CEP78: variants seen among roughly 807,000 people sequenced by gnomAD.
CEP78 encodes the protein centrosomal protein 78.
CEP78 carries 76 observed loss-of-function variants against 81.2 expected under a neutral mutation model. The observed-to-expected ratio is 0.94, with a 90% CI of 0.78 to 1.13. The LOEUF (loss-of-function observed/expected upper bound fraction) is 1.13. Among genes scored for constraint, CEP78 ranks in the 50% most tolerant of loss-of-function variants. The pLI is 0.00. For missense variants in CEP78, 918 were observed against 846.8 expected, an observed-to-expected ratio of 1.08 and a Z score of -1.04; for synonymous variants, 293 against 301.4, an observed-to-expected ratio of 0.97 and a Z score of 0.29.
At chr9:78,252,299 G>A (rs1826803134) in intron 9 of CEP78, among the ~76,000 whole-genome samples, 1 of 152,212 alleles carries the variant, frequency 6.6e-6, no homozygotes, top group Non-Finnish European at 1.5e-5. Context: ...AATTGTGCAG[G>A]TGAGAAAAGG....
intron 3 of CEP78, 69 bp downstream of exon 3, chr9:78,240,433 AT>A: frequency 7.8e-7 from 1 of 1,287,834 alleles, no homozygotes; most frequent in Non-Finnish European, 1.1e-6. Context: ...TGCCATGTTA[AT>A]TCCTGTCTGT....
Position 78,276,191 on chromosome 9 carries a change from AT to A in CEP78, c.*5343del. On this transcript the variant is annotated 3_prime_UTR_variant, in exon 17 of 17. Transcript: ENST00000643273. ...AAAAGATATATCATTTTCAAGGAAG[AT>A]TTGTACCAAAACATGCAAGATTGAG... 6.6e-6 allele frequency: 1 copy of A among 152,342 alleles called. No homozygotes were observed. Among genetic ancestry groups the A allele is most frequent in the African/African-American group, 2.4e-5 (1 of 41,588 alleles). The allele number at this position is 152,342 out of a possible 1,614,324, so 9.4% of individuals were successfully genotyped here. A position where few individuals can be genotyped will look rare whatever the true frequency, so the allele number is the denominator to read the frequency against.
rs147494584 is a variant in CEP78 at position 78,245,246 on chromosome 9, G to A, written c.779-1423G>A. Among the ~76,000 whole-genome samples, 526 of 152,056 alleles carry A rather than the reference G, an allele frequency of 3.5e-3. 4 individuals carry two copies. Among genetic ancestry groups the A allele is most frequent in the African/African-American group, 0.011 (468 of 41,506 alleles). ...AGCATATAACAGAATTATATTCTGG[G>A]TGGCTTAAAGAGAAGACATTCATTT... is the stretch of plus-strand genomic sequence containing the variant. On this transcript the variant is annotated intron_variant, in intron 5 of 16. Transcript: ENST00000643273.
Position 78,240,401 on chromosome 9 carries a change from G to A in CEP78, c.499+37G>A, listed in dbSNP as rs745939299. On this transcript the variant is annotated intron_variant, in intron 3 of 16. Transcript: ENST00000643273. Reference sequence around the variant, plus strand: ...TCTCATTTAACTCTTGTCCTATCAGGCTGGTTTCATGTTTCCCTACATGCC... The same window carrying A: ...TCTCATTTAACTCTTGTCCTATCAGACTGGTTTCATGTTTCCCTACATGCC... 5 of 1,510,752 alleles carry A rather than the reference G, an allele frequency of 3.3e-6. No individual in the cohort carries two copies. In the South Asian group the frequency reaches 3.6e-5, roughly 11 times the overall value. 93.6% of individuals were successfully genotyped at this position (1,510,752 alleles called of 1,614,324 possible). A position where few individuals can be genotyped will look rare whatever the true frequency, so the allele number is the denominator to read the frequency against.
chr9:78,249,646 TTC>T (rs1006715332), intron 8 of CEP78: 4 of 152,098 alleles, frequency 2.6e-5, no homozygotes, highest in African/African-American at 7.2e-5. Flanking sequence ...TACTGATATT[TTC>T]TTTTTTTTTT....
At chr9:78,243,726 T>C in intron 5 of CEP78, 90 bp downstream of exon 5, 3 of 1,046,768 alleles carry the variant, frequency 2.9e-6, no homozygotes, top group Non-Finnish European at 3.9e-6. Flanking sequence ...TGTCCGAAGG[T>C]TTTTTAAAAA....
chr9:78,270,860 G>A lies in CEP78; in HGVS notation c.*9G>A, dbSNP rs1217767220. On this transcript the variant is annotated 3_prime_UTR_variant, in exon 17 of 17. Transcript: ENST00000643273. ...TTCTAGAATCCCATTGAAATGACTGGAGAAATATTAAAATAAAAATAATAG... is the reference window on the plus strand; with the variant it reads ...TTCTAGAATCCCATTGAAATGACTGAAGAAATATTAAAATAAAAATAATAG... The A allele has an allele frequency of 1.0e-5, 7 of 690,398 alleles. No homozygotes were observed. Among genetic ancestry groups the A allele is most frequent in the Admixed American group, 2.2e-5 (1 of 44,748 alleles). The allele number at this position is 690,398 out of a possible 1,614,324, so 42.8% of individuals were successfully genotyped here.
At chr9:78,245,904 T>G (rs1181711043) in intron 5 of CEP78, among the ~76,000 whole-genome samples, 3 of 152,236 alleles carry the variant, frequency 2.0e-5, no homozygotes, top group African/African-American at 7.2e-5. Flanking sequence ...TTTTGTATTT[T>G]CTTTTCACTT....
chr9:78,266,575 C>G lies in CEP78; in HGVS notation c.1979C>G (p.Ser660Cys). 3 of 1,613,794 alleles carry G rather than the reference C, an allele frequency of 1.9e-6. No individual in the cohort carries two copies. Among genetic ancestry groups the G allele is most frequent in the Non-Finnish European group, 2.5e-6 (3 of 1,179,804 alleles). The change falls in exon 16 of 17, where the codon TCT becomes TGT. Residue 660 changes from serine to cysteine, a missense_variant. Coordinates refer to ENST00000643273, the MANE Select transcript of CEP78 (RefSeq NM_001330691.3). ...CCAGCTACTGAGCAGCGGCAGGAGT[C>G]TTTTGAAGGATTCATTGCTAGAATG... ...GVPATEQRQE[S>C]FEGFIARMCS...
At chr9:78,244,134 C>CTTTTT (rs971743733) in intron 5 of CEP78, among the ~76,000 whole-genome samples, 6 of 110,742 alleles carry the variant, frequency 5.4e-5, no homozygotes, top group East Asian at 2.6e-4. Context: ...ATTGAAGTTA[C>CTTTTT]TTTTTTTTTT....
intron 6 of CEP78, among the ~76,000 whole-genome samples, chr9:78,247,440 G>A (rs2118231017): frequency 6.6e-6 from 1 of 152,308 alleles, no homozygotes; most frequent in Non-Finnish European, 1.5e-5. Flanking sequence ...GGTGGATGGA[G>A]TATTTAAGGA....
At chr9:78,260,431 G>A (rs1293750052) in intron 11 of CEP78, among the ~76,000 whole-genome samples, 3 of 152,174 alleles carry the variant, frequency 2.0e-5, no homozygotes, top group Admixed American at 1.3e-4. Context: ...AAGTTGGCCA[G>A]GTGCGGTGGC....
Position 78,266,520 on chromosome 9 carries a change from T to C in CEP78, c.1924T>C (p.Leu642=). Residue 642 remains leucine, a synonymous_variant, in exon 16 of 17, where the codon TTA becomes CTA. Coordinates refer to ENST00000643273, the MANE Select transcript of CEP78 (RefSeq NM_001330691.3). ...FPVPVSTPEG[L]GTSSNNLGVP... ...TGTCCCAGTTTCTACTCCAGAGGGC[T>C]TAGGAACTTCCAGCAACAACCTAGG... is the stretch of plus-strand genomic sequence containing the variant. 1 of 1,613,838 alleles carries C rather than the reference T, an allele frequency of 6.2e-7. No homozygotes were observed. The highest frequency in any genetic ancestry group is 1.1e-5 in the South Asian group (1 of 91,070).
In CEP78 at chr9:78,236,332, C is replaced by G. The variant is rs1189092061; in HGVS notation, c.-19C>G. On this transcript the variant is annotated 5_prime_UTR_variant, in exon 1 of 17. Coordinates refer to ENST00000643273, the MANE Select transcript of CEP78 (RefSeq NM_001330691.3). ...GCGGCGTCTCCGCGGCGGGCATCCC[C>G]CGAGGCCGCCCTCGGGCCATGATCG... 6.5e-7 allele frequency: 1 copy of G among 1,549,902 alleles called. No homozygotes were observed. The highest frequency in any genetic ancestry group is 2.4e-5 in the East Asian group (1 of 41,304).
At chr9:78,246,547 C>T (rs959128929) in intron 5 of CEP78, 122 bp from the exon 6 acceptor site, 18 of 525,582 alleles carry the variant, frequency 3.4e-5, no homozygotes, top group South Asian at 1.9e-4. Context: ...TTGCAGTGAG[C>T]GGAGATAGTG....
At chr9:78,256,247 T>C (rs960446424) in intron 11 of CEP78, among the ~76,000 whole-genome samples, 2 of 151,998 alleles carry the variant, frequency 1.3e-5, no homozygotes, top group African/African-American at 4.8e-5. Flanking sequence ...GATATGCATA[T>C]AGGAAAAAGG....
chr9:78,243,800 T>C (rs1031107338), intron 5 of CEP78, among the ~76,000 whole-genome samples, 164 bp downstream of exon 5: 3 of 146,496 alleles, frequency 2.0e-5, no homozygotes, highest in African/African-American at 7.5e-5. Flanking sequence ...ATATATTCTT[T>C]ATAGAAAATA....
chr9:78,265,263 G>T (rs749858417), intron 13 of CEP78, 109 bp from the exon 14 acceptor site: 6 of 903,262 alleles, frequency 6.6e-6, no homozygotes, highest in Admixed American at 6.0e-5. Flanking sequence ...AGGATAATGG[G>T]TTTTAAGATT....
At chr9:78,258,473 A>G (rs1827136854) in intron 11 of CEP78, among the ~76,000 whole-genome samples, 1 of 152,228 alleles carries the variant, frequency 6.6e-6, no homozygotes, top group Non-Finnish European at 1.5e-5. Flanking sequence ...TAAACAATTT[A>G]AATTTTTAAG....
Sources: gnomAD v4.1 joint callset for allele counts (sites outside exome capture counted in the v4.1 genomes callset) on GRCh38, gnomAD v4.1.1 for gene constraint, MANE v1.5 for transcripts, NCBI Gene and HGNC (gene_info 2026-07-23, HGNC 2026-07-21) for gene names.